The following XRCC4 variants were observed in gnomAD, a reference collection of about 807,000 sequenced individuals.
XRCC4 encodes X-ray repair cross complementing 4.
XRCC4 carries 28 observed loss-of-function variants against 39.1 expected under a neutral mutation model. That is an observed-to-expected ratio of 0.72 (90% CI 0.53 to 0.98). XRCC4 has a LOEUF of 0.98. Among genes scored for constraint, XRCC4 ranks in the 50% least tolerant of loss-of-function variants. XRCC4 has a pLI of 0.00. For synonymous variants in XRCC4, 123 were observed against 126.4 expected, an observed-to-expected ratio of 0.97 and a Z score of 0.18; for missense variants, 350 against 376.4, an observed-to-expected ratio of 0.93 and a Z score of 0.58.
At chr5:83,253,262 T>C (rs1261650176) in intron 6 of XRCC4, among the ~76,000 whole-genome samples, 2 of 152,178 alleles carry the variant, frequency 1.3e-5, no homozygotes, top group Non-Finnish European at 2.9e-5. Context: ...CAGGTGAAGG[T>C]CACATTGTAG....
intron 7 of XRCC4, among the ~76,000 whole-genome samples, chr5:83,335,877 T>G (rs1756579298): frequency 6.6e-6 from 1 of 152,022 alleles, no homozygotes; most frequent in African/African-American, 2.4e-5. Context: ...ATAAGCTTTT[T>G]TTAAAAGAAA....
At chr5:83,264,433 T>C (rs1753882882) in intron 7 of XRCC4, among the ~76,000 whole-genome samples, 1 of 152,278 alleles carries the variant, frequency 6.6e-6, no homozygotes, top group Non-Finnish European at 1.5e-5. Context: ...ATTATTAATG[T>C]TATGAATTAT....
rs375374190 is a variant in XRCC4, at chr5:83,318,156, G to C, written c.894-34975G>C. ...AAAGCCTTTGACAAAATTCAACAACGCTTCATGCTAAAAACTCTCAATGAA... is the reference window on the plus strand; with the variant it reads ...AAAGCCTTTGACAAAATTCAACAACCCTTCATGCTAAAAACTCTCAATGAA... On this transcript the variant is annotated intron_variant, in intron 7 of 7. Transcript: ENST00000396027. Among the ~76,000 whole-genome samples the C allele has an allele frequency of 5.6e-4, 81 of 144,788 alleles. 1 individual carries two copies. In the South Asian group the frequency reaches 5.9e-3, roughly 10 times the overall value. 95.0% of individuals were successfully genotyped at this position (144,788 alleles called of 152,430 possible). A position where few individuals can be genotyped will look rare whatever the true frequency, so the allele number is the denominator to read the frequency against.
intron 7 of XRCC4, among the ~76,000 whole-genome samples, chr5:83,302,526 G>A (rs1755326764): frequency 6.6e-6 from 1 of 152,108 alleles, no homozygotes; most frequent in Non-Finnish European, 1.5e-5. Flanking sequence ...TGCACCCACT[G>A]TCTAACCAGT....
intron 6 of XRCC4, among the ~76,000 whole-genome samples, chr5:83,252,834 C>T (rs1753377880): frequency 6.6e-6 from 1 of 152,230 alleles, no homozygotes; most frequent in South Asian, 2.1e-4. Context: ...ATAAGATACA[C>T]ATTTGAAAAT....
At chr5:83,327,208 C>G (rs1378149252) in intron 7 of XRCC4, among the ~76,000 whole-genome samples, 2 of 151,942 alleles carry the variant, frequency 1.3e-5, no homozygotes, top group Non-Finnish European at 2.9e-5. Context: ...ATCCTCTTTC[C>G]CCACACCCAG....
chr5:83,133,936 G>C (rs10061521), intron 3 of XRCC4, among the ~76,000 whole-genome samples: 1 of 151,948 alleles, frequency 6.6e-6, no homozygotes, highest in Non-Finnish European at 1.5e-5. Flanking sequence ...CTCTGCTGGC[G>C]GGGCAGTGTG....
chr5:83,332,518 A>G (rs889033725), intron 7 of XRCC4, among the ~76,000 whole-genome samples: 5 of 152,200 alleles, frequency 3.3e-5, no homozygotes, highest in Non-Finnish European at 7.3e-5. Flanking sequence ...GTATTTGTCA[A>G]TCAAGATGGT....
chr5:83,085,095 A>C (rs1177159251), intron 1 of XRCC4, among the ~76,000 whole-genome samples: 2 of 152,236 alleles, frequency 1.3e-5, no homozygotes, highest in Non-Finnish European at 2.9e-5. Flanking sequence ...TGAAGTAAGC[A>C]AAGAGTTCAA....
At chr5:83,260,668 ATTT>A (rs1280231560) in intron 7 of XRCC4, among the ~76,000 whole-genome samples, 1 of 152,094 alleles carries the variant, frequency 6.6e-6, no homozygotes, top group East Asian at 1.9e-4. Flanking sequence ...AAGACTAAAT[ATTT>A]TTATTTAGCT....
At chr5:83,303,754 A>G (rs561894844) in intron 7 of XRCC4, among the ~76,000 whole-genome samples, 1 of 152,212 alleles carries the variant, frequency 6.6e-6, no homozygotes, top group Non-Finnish European at 1.5e-5. Context: ...AGGTAATGTT[A>G]TATGGAATAA....
At chr5:83,282,134 TA>T (rs1561453027) in intron 7 of XRCC4, among the ~76,000 whole-genome samples, 1 of 152,290 alleles carries the variant, frequency 6.6e-6, no homozygotes, top group East Asian at 1.9e-4. Context: ...TAGTTACCAT[TA>T]AATAGCAAAA....
At chr5:83,137,743 TAGTG>T (rs1272414202) in intron 3 of XRCC4, among the ~76,000 whole-genome samples, 2 of 152,060 alleles carry the variant, frequency 1.3e-5, no homozygotes, top group Non-Finnish European at 2.9e-5. Flanking sequence ...TTTAATTAAT[TAGTG>T]TGTGTGTGTA....
chr5:83,091,417 G>C (rs1432003166), intron 1 of XRCC4, among the ~76,000 whole-genome samples: 1 of 152,100 alleles, frequency 6.6e-6, no homozygotes, highest in Admixed American at 6.6e-5. Context: ...AGTCGTCCCT[G>C]TGATCCAATC....
At chr5:83,179,955 C>T (rs1750134660) in intron 3 of XRCC4, among the ~76,000 whole-genome samples, 1 of 152,092 alleles carries the variant, frequency 6.6e-6, no homozygotes, top group South Asian at 2.1e-4. Flanking sequence ...GCAAGGTCAT[C>T]TGCTAAATAT....
intron 7 of XRCC4, among the ~76,000 whole-genome samples, chr5:83,296,264 T>C (rs969824730): frequency 7.9e-5 from 12 of 152,134 alleles, no homozygotes; most frequent in African/African-American, 2.9e-4. Flanking sequence ...ATGTGTAAAA[T>C]CTCTTGAAGT....
At chr5:83,100,136 T>TA (rs1334954519) in intron 1 of XRCC4, among the ~76,000 whole-genome samples, 1 of 152,172 alleles carries the variant, frequency 6.6e-6, no homozygotes, top group African/African-American at 2.4e-5. Context: ...ACAAACAAGT[T>TA]ACTTGTAGGA....
At chr5:83,371,802 T>A in the XRCC4 span, among the ~76,000 whole-genome samples, 9 of 152,062 alleles carry the variant, frequency 5.9e-5, no homozygotes, top group Non-Finnish European at 1.3e-4. Context: ...ATTGAAGAAA[T>A]CCTTTGTAAG....
intron 7 of XRCC4, among the ~76,000 whole-genome samples, chr5:83,264,948 A>G (rs943145836): frequency 1.3e-5 from 2 of 152,160 alleles, no homozygotes; most frequent in African/African-American, 4.8e-5. Context: ...GTACCCTCAC[A>G]ACAGTGTTTG....
Sources: gnomAD v4.1 joint callset for allele counts (sites outside exome capture counted in the v4.1 genomes callset) on GRCh38, gnomAD v4.1.1 for gene constraint, MANE v1.5 for transcripts, NCBI Gene and HGNC (gene_info 2026-07-23, HGNC 2026-07-21) for gene names.